The following THSD7A variants were observed in gnomAD, a reference collection of about 807,000 sequenced individuals.
The protein encoded by THSD7A is thrombospondin type-1 domain-containing protein 7A.
A neutral mutation model predicts 231.3 loss-of-function variants in THSD7A; 96 were observed. The ratio of observed to expected loss-of-function variants is 0.41; its 90% CI spans 0.35 to 0.49. THSD7A has a LOEUF of 0.49. Ranked by LOEUF, THSD7A falls within the 20% of genes least tolerant of loss-of-function variation. The probability of loss-of-function intolerance (pLI) is 0.05; values close to 1 mark genes in which losing one functional copy is unlikely to be tolerated. For synonymous variants in THSD7A, 940 were observed against 743.3 expected (o/e 1.26, Z -4.30); for missense variants, 2,290 against 2,070.2 (o/e 1.11, Z -2.06).
chr7:11,445,108 C>T (rs777261670), intron 13 of THSD7A, among the ~76,000 whole-genome samples: 32 of 151,732 alleles, frequency 2.1e-4, no homozygotes, highest in Non-Finnish European at 4.3e-4. Context: ...AGCACCATTC[C>T]AATAGCAGGA....
intron 4 of THSD7A, among the ~76,000 whole-genome samples, chr7:11,556,396 A>C (rs1300023166): frequency 6.6e-6 from 1 of 151,712 alleles, no homozygotes; most frequent in African/African-American, 2.4e-5. Flanking sequence ...AAGTATAGAA[A>C]TCTTACCCTC....
At chr7:11,533,240 C>T (rs1019365447) in intron 6 of THSD7A, among the ~76,000 whole-genome samples, 1 of 152,108 alleles carries the variant, frequency 6.6e-6, no homozygotes, top group Non-Finnish European at 1.5e-5. Context: ...TTTCTGTGGT[C>T]CAGAGGCCAA....
At chr7:11,684,078 C>T (rs1403702346) in intron 1 of THSD7A, among the ~76,000 whole-genome samples, 1 of 151,748 alleles carries the variant, frequency 6.6e-6, no homozygotes, top group Non-Finnish European at 1.5e-5. Flanking sequence ...TGATCCAATA[C>T]ACACAAATTG....
chr7:11,489,095 C>G (rs1786784382), intron 6 of THSD7A, among the ~76,000 whole-genome samples: 1 of 152,110 alleles, frequency 6.6e-6, no homozygotes, highest in African/African-American at 2.4e-5. Flanking sequence ...CCTATGAGAA[C>G]CTTCTGGCCA....
At chr7:11,805,009 C>G (rs1313989990) in intron 1 of THSD7A, among the ~76,000 whole-genome samples, 1 of 152,074 alleles carries the variant, frequency 6.6e-6, no homozygotes. Flanking sequence ...AGAGCTGAAA[C>G]CTTGCATTGG....
At chr7:11,747,634 A>T (rs1190962849) in intron 1 of THSD7A, among the ~76,000 whole-genome samples, 1 of 151,918 alleles carries the variant, frequency 6.6e-6, no homozygotes, top group Non-Finnish European at 1.5e-5. Flanking sequence ...CCTGTAAAAA[A>T]ATGACTATCT....
At chr7:11,460,962 G>C (rs1441678877) in intron 10 of THSD7A, among the ~76,000 whole-genome samples, 197 bp from the exon 11 acceptor site, 1 of 152,118 alleles carries the variant, frequency 6.6e-6, no homozygotes, top group East Asian at 1.9e-4. Flanking sequence ...ACTTTCTCTG[G>C]CAGTGAAGAC....
rs1379739722 is a variant in THSD7A, at chr7:11,590,133, C to T, written c.1453+327G>A. On this transcript the variant is annotated intron_variant, in intron 4 of 27. Transcript: ENST00000423059. This position sits in a 1 kb window ranked among gnomAD's most constrained non-coding sequence, Gnocchi z 4.4. ...TTTTGGAATTTAGAATATATATTTG[C>T]ATGATATGTGTATATTTACAGATAA... is the stretch of plus-strand genomic sequence containing the variant. Among the ~76,000 whole-genome samples the T allele has an allele frequency of 6.6e-6, 1 of 152,142 alleles. No individual in the cohort carries two copies. The highest frequency in any genetic ancestry group is 1.5e-5 in the Non-Finnish European group (1 of 68,026).
At chr7:11,556,579 G>A (rs1789855695) in intron 4 of THSD7A, among the ~76,000 whole-genome samples, 1 of 151,828 alleles carries the variant, frequency 6.6e-6, no homozygotes, top group South Asian at 2.1e-4. Context: ...CTCCTTTCCT[G>A]ATATTCCAAG....
In THSD7A at chr7:11,831,222, G is replaced by A. The variant is rs754646948; in HGVS notation, c.190+535C>T. Among the ~76,000 whole-genome samples, 2 of 152,172 alleles carry A rather than the reference G, an allele frequency of 1.3e-5. No homozygotes were observed. The highest frequency in any genetic ancestry group is 1.9e-4 in the East Asian group (1 of 5,180). On this transcript the variant is annotated intron_variant, in intron 1 of 27. Coordinates refer to ENST00000423059, the MANE Select transcript of THSD7A (RefSeq NM_015204.3). This position sits in a 1 kb window ranked among gnomAD's most constrained non-coding sequence, Gnocchi z 5.0. ...CTCCGACTCGCTAGTTAATAATTGA[G>A]TTTTCAGTCTTTCCCTGAAGGCTCA...
chr7:11,583,525 C>T (rs554836746), intron 4 of THSD7A, among the ~76,000 whole-genome samples: 24 of 152,256 alleles, frequency 1.6e-4, no homozygotes, highest in African/African-American at 5.5e-4. Context: ...ATCCACCCGC[C>T]TCAGCCTCAC....
rs1322552434 is a variant in THSD7A, at chr7:11,475,599, TATATATAAC to T, written c.2018-1040_2018-1032del. On this transcript the variant is annotated intron_variant, in intron 7 of 27. Transcript: ENST00000423059. ...ATATATAACATATATGTATATAACATATATATAACATATATAACATATATATAACATATA... is the reference window on the plus strand; with the variant it reads ...ATATATAACATATATGTATATAACATATATATAACATATATATAACATATA... Among the ~76,000 whole-genome samples, 219 of 112,014 alleles carry T rather than the reference TATATATAAC, an allele frequency of 2.0e-3. 1 individual carries two copies. The highest frequency in any genetic ancestry group is 5.5e-3 in the African/African-American group (196 of 35,366). The allele number at this position is 112,014 out of a possible 152,430, so 73.5% of individuals were successfully genotyped here.
At chr7:11,709,564 T>C (rs1780883075) in intron 1 of THSD7A, among the ~76,000 whole-genome samples, 1 of 150,860 alleles carries the variant, frequency 6.6e-6, no homozygotes, top group African/African-American at 2.4e-5. Flanking sequence ...CTGCTGTCTC[T>C]TTTGGTGTAT....
At chr7:11,557,853 C>T (rs1789914109) in intron 4 of THSD7A, among the ~76,000 whole-genome samples, 1 of 152,104 alleles carries the variant, frequency 6.6e-6, no homozygotes, top group Non-Finnish European at 1.5e-5. Context: ...TCTCTAACAC[C>T]ACCTAGTGGG....
intron 6 of THSD7A, among the ~76,000 whole-genome samples, chr7:11,515,577 A>G (rs1382054049): frequency 1.3e-5 from 2 of 152,168 alleles, no homozygotes; most frequent in Non-Finnish European, 2.9e-5. Flanking sequence ...AACTCATTGC[A>G]TCTAGCTAGA....
At chr7:11,511,146 A>T (rs1250347345) in intron 6 of THSD7A, among the ~76,000 whole-genome samples, 2 of 152,230 alleles carry the variant, frequency 1.3e-5, no homozygotes, top group Non-Finnish European at 2.9e-5. Flanking sequence ...ATAACAGACA[A>T]GCAGAGAGCC....
chr7:11,493,764 C>T (rs139642498), intron 6 of THSD7A, among the ~76,000 whole-genome samples: 166 of 152,046 alleles, frequency 1.1e-3, no homozygotes, highest in African/African-American at 3.9e-3. Flanking sequence ...TTTAAAGAGC[C>T]ATAAGTAAAC....
At chr7:11,507,969 A>G (rs1787624915) in intron 6 of THSD7A, among the ~76,000 whole-genome samples, 1 of 152,212 alleles carries the variant, frequency 6.6e-6, no homozygotes, top group Admixed American at 6.5e-5. Flanking sequence ...GGGAGGCCTC[A>G]GGAAACTTAA....
At chr7:11,606,778 T>C (rs972739168) in intron 2 of THSD7A, among the ~76,000 whole-genome samples, 4 of 152,080 alleles carry the variant, frequency 2.6e-5, no homozygotes, top group African/African-American at 9.7e-5. Context: ...ATTCATTTTG[T>C]GTAAAGCAAA....
Sources: gnomAD v4.1 joint callset for allele counts (sites outside exome capture counted in the v4.1 genomes callset) on GRCh38, gnomAD v4.1.1 for gene constraint, Gnocchi (gnomAD v3.1) non-coding constraint, MANE v1.5 for transcripts, NCBI Gene and HGNC (gene_info 2026-07-23, HGNC 2026-07-21) for gene names.